Variants in TMEM108 observed in about 807,000 individuals in gnomAD.
TMEM108 encodes transmembrane protein 108.
Under a neutral mutation model 35.1 loss-of-function variants are expected in TMEM108, and 12 were observed. The observed-to-expected ratio is 0.34, with a 90% CI of 0.22 to 0.55. The LOEUF (loss-of-function observed/expected upper bound fraction) is 0.55. TMEM108 is among the 20% of genes least tolerant of loss of function. The pLI, the probability that TMEM108 is intolerant of heterozygous loss-of-function variation, is 0.89. For missense variants in TMEM108, 680 were observed against 753.3 expected (o/e 0.90, Z 1.14); for synonymous variants, 287 against 308.6 (o/e 0.93, Z 0.73).
chr3:133,383,889 T>C (rs1265250586), intron 4 of TMEM108, among the ~76,000 whole-genome samples: 1 of 152,190 alleles, frequency 6.6e-6, no homozygotes, highest in African/African-American at 2.4e-5. Context: ...ACAAGGAGGC[T>C]CTTGCCTTGG....
At chr3:133,243,036 T>C (rs940520312) in intron 3 of TMEM108, among the ~76,000 whole-genome samples, 1 of 152,170 alleles carries the variant, frequency 6.6e-6, no homozygotes, top group Admixed American at 6.5e-5. Flanking sequence ...GAAGCAATAT[T>C]GTGCCAGGGA....
chr3:133,392,564 A>C (rs1348746924), intron 5 of TMEM108, among the ~76,000 whole-genome samples: 1 of 151,994 alleles, frequency 6.6e-6, no homozygotes, highest in African/African-American at 2.4e-5. Flanking sequence ...CTGGCCCCAG[A>C]CTCACCTACC....
intron 2 of TMEM108, among the ~76,000 whole-genome samples, chr3:133,162,816 A>G (rs1378468406): frequency 6.6e-6 from 1 of 152,250 alleles, no homozygotes; most frequent in Non-Finnish European, 1.5e-5. Context: ...GTTATATAAT[A>G]GCTGTCATTT....
intron 1 of TMEM108, among the ~76,000 whole-genome samples, chr3:133,041,378 C>A (rs1224857211): frequency 1.3e-5 from 2 of 152,160 alleles, no homozygotes; most frequent in African/African-American, 4.8e-5. Context: ...CCCCCCAGGG[C>A]TCCCAGAAAA....
chr3:133,094,973 A>G (rs1943994950), intron 2 of TMEM108, among the ~76,000 whole-genome samples: 1 of 152,120 alleles, frequency 6.6e-6, no homozygotes, highest in African/African-American at 2.4e-5. Context: ...GGGAGTTAGT[A>G]AGTGACTAAG....
chr3:133,156,036 C>A (rs929044032), intron 2 of TMEM108, among the ~76,000 whole-genome samples: 21 of 130,424 alleles, frequency 1.6e-4, no homozygotes, highest in Non-Finnish European at 3.3e-4. Context: ...AGGTGAGGGT[C>A]CAGTTTCAAT....
chr3:133,317,618 C>G (rs2071215597), intron 3 of TMEM108, among the ~76,000 whole-genome samples: 1 of 152,160 alleles, frequency 6.6e-6, no homozygotes, highest in South Asian at 2.1e-4. Flanking sequence ...TAATTGCTTG[C>G]AACCTTTAAT....
chr3:133,332,559 A>G (rs2071409243), intron 3 of TMEM108, among the ~76,000 whole-genome samples: 2 of 152,184 alleles, frequency 1.3e-5, no homozygotes, highest in East Asian at 3.8e-4. Flanking sequence ...CAGGTAGGTA[A>G]AATAGTGTTA....
intron 2 of TMEM108, among the ~76,000 whole-genome samples, chr3:133,116,044 C>T (rs1401771854): frequency 6.6e-6 from 1 of 152,164 alleles, no homozygotes; most frequent in African/African-American, 2.4e-5. Context: ...CAGGAAACTT[C>T]ACAGGCCATC....
At chr3:133,221,796 A>G (rs539415319) in intron 2 of TMEM108, among the ~76,000 whole-genome samples, 44 of 151,910 alleles carry the variant, frequency 2.9e-4, no homozygotes, top group African/African-American at 9.6e-4. Flanking sequence ...TGATTGCAAA[A>G]TAAACCTTTA....
chr3:133,226,805 A>G (rs1022190201), intron 2 of TMEM108, among the ~76,000 whole-genome samples: 1 of 152,238 alleles, frequency 6.6e-6, no homozygotes, highest in Non-Finnish European at 1.5e-5. Flanking sequence ...TCACACTACT[A>G]ATAAAGACAT....
intron 2 of TMEM108, among the ~76,000 whole-genome samples, chr3:133,176,253 G>C (rs1167080503): frequency 1.3e-5 from 2 of 152,250 alleles, no homozygotes; most frequent in East Asian, 3.9e-4. Context: ...GTCAACATTA[G>C]ACAGATCAAC....
At chr3:133,048,690 T>G (rs2107673307) in intron 2 of TMEM108, among the ~76,000 whole-genome samples, 1 of 152,336 alleles carries the variant, frequency 6.6e-6, no homozygotes, top group African/African-American at 2.4e-5. Context: ...TTGGATCTAC[T>G]ATGTAGAGAA....
intron 2 of TMEM108, among the ~76,000 whole-genome samples, chr3:133,179,989 T>C (rs1267200870): frequency 6.6e-6 from 1 of 151,868 alleles, no homozygotes; most frequent in African/African-American, 2.4e-5. Context: ...ACTTAAAATA[T>C]CTCGAAAACC....
Position 133,294,373 on chromosome 3 carries a change from G to GT in TMEM108, c.40+65024dup, listed in dbSNP as rs372928602. On this transcript the variant is annotated intron_variant, in intron 3 of 5. Transcript: ENST00000321871. ...TACTTTTTAAAAAATGCAATTTAGG[G>GT]TTGAGAAGCTAAAGAAAACTATGAG... Among the ~76,000 whole-genome samples the GT allele has an allele frequency of 6.2e-3, 944 of 152,244 alleles. 13 individuals carry two copies. The highest frequency in any genetic ancestry group is 0.021 in the African/African-American group (888 of 41,528).
intron 3 of TMEM108, among the ~76,000 whole-genome samples, chr3:133,377,224 G>A (rs1371395707): frequency 6.6e-6 from 1 of 152,154 alleles, no homozygotes; most frequent in African/African-American, 2.4e-5. Context: ...TAGGGATTTT[G>A]GGGGTGCATA....
chr3:133,384,629 C>T (rs545891649), intron 4 of TMEM108, among the ~76,000 whole-genome samples: 1 of 152,314 alleles, frequency 6.6e-6, no homozygotes, highest in Non-Finnish European at 1.5e-5. Context: ...AGGTGGCTCC[C>T]AAGCTGGTCT....
At chr3:133,382,309 T>A (rs1378424890) in intron 4 of TMEM108, among the ~76,000 whole-genome samples, 1 of 152,252 alleles carries the variant, frequency 6.6e-6, no homozygotes, top group Non-Finnish European at 1.5e-5. Flanking sequence ...ATTCCCACTC[T>A]ATGGCCCTAA....
intron 3 of TMEM108, among the ~76,000 whole-genome samples, chr3:133,288,483 AGT>A (rs988354299): frequency 6.6e-6 from 1 of 152,168 alleles, no homozygotes; most frequent in Admixed American, 6.5e-5. Context: ...GGTGAATAGA[AGT>A]TCCTTGTGGA....
Sources: allele counts gnomAD v4.1 joint callset (sites outside exome capture counted in the v4.1 genomes callset), GRCh38; gene constraint gnomAD v4.1.1; transcripts MANE v1.5; gene names NCBI Gene and HGNC (gene_info 2026-07-23, HGNC 2026-07-21).